Variants in CTNNA3 observed in about 807,000 individuals in gnomAD.
The protein encoded by CTNNA3 is catenin alpha 3, also known as catenin alpha-3.
CTNNA3 carries 76 observed loss-of-function variants against 95.7 expected under a neutral mutation model. The ratio of observed to expected loss-of-function variants is 0.79; its 90% CI spans 0.66 to 0.96. The LOEUF is 0.96. Ranked by LOEUF, CTNNA3 falls within the 40% of genes least tolerant of loss-of-function variation. The pLI, the probability that CTNNA3 is intolerant of heterozygous loss-of-function variation, is 0.00. For synonymous variants in CTNNA3, 431 were observed against 374.4 expected (o/e 1.15, Z -1.74); for missense variants, 1,191 against 1,089.8 (o/e 1.09, Z -1.31).
At chr10:67,233,019 G>A (rs1229721276) in intron 5 of CTNNA3, among the ~76,000 whole-genome samples, 1 of 152,120 alleles carries the variant, frequency 6.6e-6, no homozygotes, top group Non-Finnish European at 1.5e-5. Flanking sequence ...AGCAAGTCCT[G>A]AGTGACCTAC....
intron 3 of CTNNA3, among the ~76,000 whole-genome samples, chr10:67,543,782 G>A (rs534135209): frequency 6.6e-6 from 1 of 152,148 alleles, no homozygotes; most frequent in African/African-American, 2.4e-5. Context: ...CAACATTCAG[G>A]GTTTGGTTTT....
intron 5 of CTNNA3, among the ~76,000 whole-genome samples, chr10:67,370,878 T>TG (rs1843405022): frequency 6.6e-6 from 1 of 150,584 alleles, no homozygotes; most frequent in Non-Finnish European, 1.5e-5. Flanking sequence ...TGTTTTTTTT[T>TG]TTTTTTGAGA....
intron 11 of CTNNA3, among the ~76,000 whole-genome samples, chr10:66,475,093 T>C (rs1339450701): frequency 6.6e-6 from 1 of 152,018 alleles, no homozygotes; most frequent in Non-Finnish European, 1.5e-5. Flanking sequence ...TTCATGTAAC[T>C]TAAGTTGTTG....
intron 9 of CTNNA3, among the ~76,000 whole-genome samples, chr10:66,690,344 C>CT (rs1847473705): frequency 1.3e-5 from 2 of 151,388 alleles, no homozygotes; most frequent in Non-Finnish European, 1.5e-5. Context: ...TATTATTATA[C>CT]TTTAAGTTTT....
chr10:67,397,075 G>A (rs959109509), intron 5 of CTNNA3, among the ~76,000 whole-genome samples: 1 of 152,158 alleles, frequency 6.6e-6, no homozygotes, highest in Non-Finnish European at 1.5e-5. Flanking sequence ...ACCACAGAGA[G>A]TGGGGTGCTG....
intron 9 of CTNNA3, among the ~76,000 whole-genome samples, chr10:66,715,080 T>C (rs571631255): frequency 6.6e-6 from 1 of 152,122 alleles, no homozygotes; most frequent in East Asian, 1.9e-4. Context: ...CTGGAGGGGT[T>C]CCATTCATCT....
intron 15 of CTNNA3, among the ~76,000 whole-genome samples, chr10:66,057,020 C>T (rs2080100882): frequency 6.6e-6 from 1 of 152,160 alleles, no homozygotes; most frequent in Non-Finnish European, 1.5e-5. Flanking sequence ...AAATATACCC[C>T]TCAAACCCAT....
At chr10:66,304,121 G>C (rs2091901361) in intron 12 of CTNNA3, among the ~76,000 whole-genome samples, 1 of 152,044 alleles carries the variant, frequency 6.6e-6, no homozygotes, top group Admixed American at 6.5e-5. Context: ...GTGAAATAAA[G>C]AGATAGGACA....
chr10:66,074,133 C>T (rs1388402002), intron 14 of CTNNA3, among the ~76,000 whole-genome samples: 2 of 151,884 alleles, frequency 1.3e-5, no homozygotes, highest in African/African-American at 4.8e-5. Context: ...TTGTATTCAG[C>T]ACTTAAGTGC....
intron 1 of CTNNA3, among the ~76,000 whole-genome samples, chr10:67,683,597 T>C (rs907822537): frequency 6.6e-6 from 1 of 152,254 alleles, no homozygotes; most frequent in African/African-American, 2.4e-5. Context: ...GTTAATTGTA[T>C]ACCTTCATCC....
At chr10:67,126,453 G>C (rs965407960) in intron 7 of CTNNA3, among the ~76,000 whole-genome samples, 3 of 152,310 alleles carry the variant, frequency 2.0e-5, no homozygotes, top group African/African-American at 7.2e-5. Flanking sequence ...CTTGATCCCG[G>C]GAGGCGGAGC....
intron 1 of CTNNA3, among the ~76,000 whole-genome samples, chr10:67,761,538 T>C (rs900061604): frequency 1.3e-5 from 2 of 152,096 alleles, no homozygotes; most frequent in African/African-American, 4.8e-5. Context: ...CAAAACATAT[T>C]TGCCTTCCAC....
At chr10:66,434,456 G>T (rs764487191) in intron 11 of CTNNA3, among the ~76,000 whole-genome samples, 7 of 152,058 alleles carry the variant, frequency 4.6e-5, no homozygotes, top group Non-Finnish European at 7.4e-5. Context: ...GTCTATTATA[G>T]GTGTATAGGA....
intron 9 of CTNNA3, among the ~76,000 whole-genome samples, chr10:66,665,346 G>A (rs865809008): frequency 1.3e-5 from 2 of 152,172 alleles, no homozygotes; most frequent in Non-Finnish European, 2.9e-5. Flanking sequence ...ATCAGTCAAA[G>A]AAATCAAGTC....
At chr10:67,269,160 T>C (rs1838843424) in intron 5 of CTNNA3, among the ~76,000 whole-genome samples, 1 of 152,154 alleles carries the variant, frequency 6.6e-6, no homozygotes, top group Non-Finnish European at 1.5e-5. Context: ...GAGAAGATCA[T>C]GGGGCTCCTT....
At chr10:66,557,378 C>G (rs781722480) in intron 10 of CTNNA3, among the ~76,000 whole-genome samples, 2 of 152,102 alleles carry the variant, frequency 1.3e-5, no homozygotes, top group Non-Finnish European at 2.9e-5. Flanking sequence ...ATCATTCACA[C>G]AGGTGATGAT....
At chr10:66,971,750 A>G (rs1589520602) in intron 7 of CTNNA3, among the ~76,000 whole-genome samples, 1 of 152,154 alleles carries the variant, frequency 6.6e-6, no homozygotes, top group Non-Finnish European at 1.5e-5. Flanking sequence ...GTGCCCAACA[A>G]AGAGAAAATA....
At chr10:67,225,063 G>A (rs1359539373) in intron 5 of CTNNA3, among the ~76,000 whole-genome samples, 3 of 152,148 alleles carry the variant, frequency 2.0e-5, no homozygotes, top group South Asian at 2.1e-4. Flanking sequence ...CAGCCCTTTG[G>A]TTTGCCTGGG....
intron 15 of CTNNA3, among the ~76,000 whole-genome samples, chr10:66,047,704 A>G (rs1156970796): frequency 6.6e-6 from 1 of 152,198 alleles, no homozygotes; most frequent in African/African-American, 2.4e-5. Context: ...CTATTTGTAG[A>G]CTACATGATT....
Sources: gnomAD v4.1 joint callset for allele counts (sites outside exome capture counted in the v4.1 genomes callset) on GRCh38, gnomAD v4.1.1 for gene constraint, MANE v1.5 for transcripts, NCBI Gene and HGNC (gene_info 2026-07-23, HGNC 2026-07-21) for gene names.